The following DIP2A variants were observed in gnomAD, a reference collection of about 807,000 sequenced individuals.
The protein encoded by DIP2A is disco-interacting protein 2 homolog A.
DIP2A carries 85 observed loss-of-function variants against 177.4 expected under a neutral mutation model. That is an observed-to-expected ratio of 0.48 (90% CI 0.40 to 0.57). DIP2A has a LOEUF of 0.57. Ranked by LOEUF, DIP2A falls within the 20% of genes least tolerant of loss-of-function variation. DIP2A has a pLI of 0.00. For missense variants in DIP2A, 1,791 were observed against 2,100.2 expected (o/e 0.85, Z 2.88); for synonymous variants, 886 against 881.8 (o/e 1.00, Z -0.08).
downstream of DIP2A, among the ~76,000 whole-genome samples, chr21:46,574,547 TC>T (rs1305845013): frequency 6.6e-6 from 1 of 151,816 alleles, no homozygotes; most frequent in African/African-American, 2.4e-5. Flanking sequence ...TTTGAAAAGA[TC>T]AACAAAATTG....
intron 1 of DIP2A, among the ~76,000 whole-genome samples, chr21:46,474,905 C>T (rs935668651): frequency 7.9e-5 from 12 of 152,194 alleles, no homozygotes; most frequent in African/African-American, 2.7e-4. Context: ...AGCAGATGTA[C>T]AGTGCATCCT....
intron 20 of DIP2A, 102 bp downstream of exon 20, chr21:46,546,063 A>G: frequency 1.3e-6 from 2 of 1,579,442 alleles, no homozygotes; most frequent in Non-Finnish European, 8.6e-7. Context: ...GCCGTTCCTG[A>G]CCTCCCATGT....
chr21:46,558,174 G>A (rs940162990), intron 31 of DIP2A, 49 bp from the exon 32 acceptor site: 2 of 1,555,612 alleles, frequency 1.3e-6, no homozygotes, highest in Non-Finnish European at 8.7e-7. Flanking sequence ...CAGGGCCCTG[G>A]CAACTCACTG....
chr21:46,477,543 T>TTTTTTTTTGTGTGTGTGTGTG (rs374607636), intron 1 of DIP2A, among the ~76,000 whole-genome samples: 1 of 87,094 alleles, frequency 1.1e-5, no homozygotes, highest in African/African-American at 4.3e-5. Flanking sequence ...AAAAAAAGAT[T>TTTTTTTTTGTGTGTGTGTGTG]TGTGTGTGTG....
chr21:46,528,436 A>G (rs2059199059), intron 8 of DIP2A, among the ~76,000 whole-genome samples: 1 of 148,052 alleles, frequency 6.8e-6, no homozygotes, highest in Non-Finnish European at 1.5e-5. Flanking sequence ...TTTTACAGGC[A>G]TGTATACGTG....
Position 46,563,813 on chromosome 21 carries a change from GTGTCA to G in DIP2A, c.4090-41_4090-37del. On this transcript the variant is annotated intron_variant, in intron 34 of 37. Transcript: ENST00000417564. The surrounding 1 kb of genome is among the most constrained non-coding windows in gnomAD (Gnocchi z 4.3). ...AATGTCACTGAATCAAGAGAGTCTC[GTGTCA>G]TGTTTTCTTTAACAAGGGACATAGC... 1 of 1,605,268 alleles carries G rather than the reference GTGTCA, an allele frequency of 6.2e-7. No individual in the cohort carries two copies. The highest frequency in any genetic ancestry group is 8.5e-7 in the Non-Finnish European group (1 of 1,176,484).
At position 46,545,955 on chromosome 21, in the gene DIP2A, C is replaced by T. The variant is rs201630699; in HGVS notation, c.2388C>T (p.Ile796=). The T allele has an allele frequency of 5.5e-4, 885 of 1,613,974 alleles. 4 individuals are homozygous for T. Among genetic ancestry groups the T allele is most frequent in the African/African-American group, 4.1e-3 (306 of 75,058 alleles). The change falls in exon 20 of 38, where the codon ATC becomes ATT. Residue 796 remains isoleucine, a synonymous_variant. Coordinates refer to ENST00000417564, the MANE Select transcript of DIP2A (RefSeq NM_015151.4). ...CCAGGACAGGCCTGCTGGGCTTCAT[C>T]GGGCCTGTGAGTATGTCCTCCTGTA... The part of the protein sequence containing the change: ...PFTRTGLLGF[I]GPDNLVFIVG...
chr21:46,485,799 G>A (rs901293391), intron 2 of DIP2A, among the ~76,000 whole-genome samples: 7 of 152,170 alleles, frequency 4.6e-5, no homozygotes, highest in South Asian at 4.2e-4. Flanking sequence ...GAGGCCAGGC[G>A]CGGTGGCTCA....
chr21:46,558,088 A>T, intron 31 of DIP2A, 135 bp from the exon 32 acceptor site: 2 of 936,284 alleles, frequency 2.1e-6, no homozygotes, highest in Non-Finnish European at 3.1e-6. Context: ...TGTGGAACAG[A>T]CACAGCCTGC....
chr21:46,548,576 A>G (rs2060151478), intron 21 of DIP2A, among the ~76,000 whole-genome samples: 1 of 152,250 alleles, frequency 6.6e-6, no homozygotes, highest in African/African-American at 2.4e-5. Context: ...AACACAGTAG[A>G]TGGAATACAT....
chr21:46,492,248 A>G (rs1025920295), intron 3 of DIP2A, among the ~76,000 whole-genome samples: 19 of 152,188 alleles, frequency 1.2e-4, no homozygotes, highest in Non-Finnish European at 2.5e-4. Flanking sequence ...CCTTAAGCCT[A>G]TGCTTTCTCC....
chr21:46,575,912 A>C, the DIP2A span, among the ~76,000 whole-genome samples: 2 of 152,240 alleles, frequency 1.3e-5, no homozygotes, highest in Non-Finnish European at 2.9e-5. Context: ...AAATTGATAT[A>C]GAATCTAAAG....
chr21:46,465,942 A>G (rs938138843), intron 1 of DIP2A, among the ~76,000 whole-genome samples: 4 of 152,188 alleles, frequency 2.6e-5, no homozygotes, highest in Non-Finnish European at 4.4e-5. Flanking sequence ...ATCTGCAGTT[A>G]TTGAGACTTG....
rs946991562 is a variant in DIP2A, at chr21:46,557,362, C to T, written c.3630-223C>T. On this transcript the variant is annotated intron_variant, in intron 30 of 37. Coordinates refer to ENST00000417564, the MANE Select transcript of DIP2A (RefSeq NM_015151.4). This position sits in a 1 kb window ranked among gnomAD's most constrained non-coding sequence, Gnocchi z 6.0. The stretch of plus-strand genomic sequence containing the variant: ...GTGAATGCCTCTGGAGTGGTGTCCC[C>T]GGATCCTCTCCAAGTGTTCGGAGCA... 3.4e-5 allele frequency: 22 copies of T among 648,336 alleles called. 1 individual carries two copies. In the East Asian group the frequency reaches 3.9e-4, roughly 11 times the overall value. The allele number at this position is 648,336 out of a possible 1,614,324, so 40.2% of individuals were successfully genotyped here.
At chr21:46,553,962 G>A (rs923177773) in intron 25 of DIP2A, 8 of 506,180 alleles carry the variant, frequency 1.6e-5, no homozygotes, top group African/African-American at 5.9e-5. Context: ...TCAGGAGTTC[G>A]AGACCAGCCT....
At chr21:46,574,430 AAAG>A (rs1351602696), downstream of DIP2A, among the ~76,000 whole-genome samples, 29 of 152,246 alleles carry the variant, frequency 1.9e-4, no homozygotes, top group African/African-American at 6.3e-4. Context: ...AGAAACTAAA[AAAG>A]AAGAACAAAC....
intron 25 of DIP2A, among the ~76,000 whole-genome samples, 159 bp downstream of exon 25, chr21:46,552,063 G>C (rs1345522123): frequency 2.6e-5 from 4 of 152,168 alleles, no homozygotes; most frequent in African/African-American, 7.2e-5. Context: ...CATGCGTAGA[G>C]AGCAGGGTGC....
In DIP2A at chr21:46,567,586, C is replaced by A. The variant is rs2060873644; in HGVS notation, c.4680C>A (p.Asp1560Glu). ...ACCTGCGGGACGGCTTCCTGGCTGACCAGCTGGACCCCATCTATGTCGCCT... is the reference window on the plus strand; with the variant it reads ...ACCTGCGGGACGGCTTCCTGGCTGAACAGCTGGACCCCATCTATGTCGCCT... ...RMHLRDGFLA[D>E]QLDPIYVAYN... is the part of the protein sequence containing the mutation. Residue 1560 changes from aspartate to glutamate, a missense_variant, in exon 38 of 38, where the codon GAC becomes GAA. Physicochemically the swap from Asp to Glu is conservative, Grantham distance 45 (BLOSUM62 2). Coordinates refer to ENST00000417564, the MANE Select transcript of DIP2A (RefSeq NM_015151.4). 6.8e-6 allele frequency: 11 copies of A among 1,609,608 alleles called. No homozygotes were observed. Among genetic ancestry groups the A allele is most frequent in the Non-Finnish European group, 8.5e-6 (10 of 1,177,358 alleles).
chr21:46,547,276 A>C (rs1345450298), intron 21 of DIP2A: 11 of 1,247,962 alleles, frequency 8.8e-6, no homozygotes, highest in Admixed American at 3.7e-5. Context: ...GTTTTGATGT[A>C]AAATTTGGGG....
Sources: gnomAD v4.1 joint callset for allele counts (sites outside exome capture counted in the v4.1 genomes callset) on GRCh38, gnomAD v4.1.1 for gene constraint, Gnocchi (gnomAD v3.1) non-coding constraint, MANE v1.5 for transcripts, NCBI Gene and HGNC (gene_info 2026-07-23, HGNC 2026-07-21) for gene names.